SCAI: variants seen among roughly 807,000 people sequenced by gnomAD.
SCAI encodes the protein suppressor of cancer cell invasion.
A neutral mutation model predicts 92.2 loss-of-function variants in SCAI; 24 were observed. The observed-to-expected ratio is 0.26, with a 90% CI of 0.19 to 0.37. SCAI has a LOEUF of 0.37. Among genes scored for constraint, SCAI ranks in the 10% least tolerant of loss-of-function variants. The probability of loss-of-function intolerance (pLI) is 1.00; values close to 1 mark genes in which losing one functional copy is unlikely to be tolerated. For missense variants in SCAI, 450 were observed against 736.2 expected (o/e 0.61, Z 4.50); for synonymous variants, 261 against 258.6 (o/e 1.01, Z -0.09).
intron 2 of SCAI, among the ~76,000 whole-genome samples, chr9:125,089,877 T>A (rs556456933): frequency 6.6e-6 from 1 of 152,192 alleles, no homozygotes; most frequent in African/African-American, 2.4e-5. Context: ...AAGATACCTG[T>A]TTTCTTATTA....
At chr9:125,125,741 G>T (rs1236336974) in intron 2 of SCAI, among the ~76,000 whole-genome samples, 1 of 146,956 alleles carries the variant, frequency 6.8e-6, no homozygotes, top group Non-Finnish European at 1.5e-5. Flanking sequence ...TCAGGCAGGA[G>T]AATCACTTGA....
intron 2 of SCAI, among the ~76,000 whole-genome samples, chr9:125,098,224 T>A (rs1834605720): frequency 6.6e-6 from 1 of 151,986 alleles, no homozygotes; most frequent in Non-Finnish European, 1.5e-5. Context: ...CTGGATAATT[T>A]TTTTTTATTT....
chr9:125,092,445 T>C (rs1163481704), intron 2 of SCAI, among the ~76,000 whole-genome samples: 1 of 152,126 alleles, frequency 6.6e-6, no homozygotes, highest in Non-Finnish European at 1.5e-5. Flanking sequence ...AGAGCAAGAC[T>C]CTGTCAAACA....
chr9:124,974,910 C>T (rs1456103844), intron 15 of SCAI, among the ~76,000 whole-genome samples: 1 of 152,278 alleles, frequency 6.6e-6, no homozygotes, highest in East Asian at 1.9e-4. Flanking sequence ...GTGGCTGAGT[C>T]GGGATTCAAA....
chr9:124,961,649 C>CA (rs34369784), intron 17 of SCAI, among the ~76,000 whole-genome samples: 67,599 of 119,616 alleles, frequency 0.57, 17,866 homozygotes, highest in Admixed American at 0.63. Context: ...GACTCCATCT[C>CA]AAAAAAAAAA....
chr9:125,062,567 A>G (rs1241523678), intron 2 of SCAI, among the ~76,000 whole-genome samples: 1 of 151,488 alleles, frequency 6.6e-6, no homozygotes, highest in Non-Finnish European at 1.5e-5. Flanking sequence ...CCTGACCAAC[A>G]TGGTGAATGA....
chr9:124,991,717 G>C (rs1832127776), intron 14 of SCAI, among the ~76,000 whole-genome samples: 1 of 150,532 alleles, frequency 6.6e-6, no homozygotes, highest in East Asian at 2.0e-4. Context: ...TGTGCCTCTA[G>C]TCCCAGCTAC....
rs1161361524 is a variant in SCAI, at chr9:124,946,875, T to C, written c.*5932A>G. ...GAAGCATTTTCTCAGATGAGCCTACTCACCTTTGATATGCAAGTCCAGTAA... is the reference window on the plus strand; with the variant it reads ...GAAGCATTTTCTCAGATGAGCCTACCCACCTTTGATATGCAAGTCCAGTAA... On this transcript the variant is annotated 3_prime_UTR_variant, in exon 18 of 18. Coordinates refer to ENST00000336505, the MANE Select transcript of SCAI (RefSeq NM_001144877.3). This position sits in a 1 kb window ranked among gnomAD's most constrained non-coding sequence, Gnocchi z 4.0. 3 of 152,196 alleles carry C rather than the reference T, an allele frequency of 2.0e-5. No homozygotes were observed. Among genetic ancestry groups the C allele is most frequent in the Non-Finnish European group, 4.4e-5 (3 of 68,036 alleles). 9.4% of individuals were successfully genotyped at this position (152,196 alleles called of 1,614,324 possible). A position where few individuals can be genotyped will look rare whatever the true frequency, so the allele number is the denominator to read the frequency against.
At chr9:125,081,590 G>T (rs1834220016) in intron 2 of SCAI, among the ~76,000 whole-genome samples, 1 of 152,080 alleles carries the variant, frequency 6.6e-6, no homozygotes, top group Admixed American at 6.6e-5. Context: ...TGTTTTGTTT[G>T]GAGATGTAGT....
intron 15 of SCAI, among the ~76,000 whole-genome samples, chr9:124,972,949 G>A (rs969165522): frequency 6.6e-6 from 1 of 152,182 alleles, no homozygotes; most frequent in Admixed American, 6.5e-5. Flanking sequence ...CTACTCTCCT[G>A]TTTAAATCTT....
chr9:125,086,940 G>A (rs935066271), intron 2 of SCAI, among the ~76,000 whole-genome samples: 2 of 152,118 alleles, frequency 1.3e-5, no homozygotes, highest in African/African-American at 4.8e-5. Context: ...AGAGAGTCTG[G>A]CATACATTAA....
intron 14 of SCAI, among the ~76,000 whole-genome samples, chr9:124,987,462 A>G (rs1832019743): frequency 6.6e-6 from 1 of 152,194 alleles, no homozygotes; most frequent in Non-Finnish European, 1.5e-5. Context: ...AAATATTGGT[A>G]TTTCAATCAC....
intron 7 of SCAI, 42 bp from the exon 8 acceptor site, chr9:125,019,247 A>G (rs368440246): frequency 4.6e-4 from 523 of 1,138,540 alleles, no homozygotes; most frequent in Middle Eastern, 6.8e-4. Context: ...TAAAAAACCC[A>G]TAAAAACACA....
At chr9:124,985,375 T>TACCCAGA (rs1415192467) in intron 14 of SCAI, among the ~76,000 whole-genome samples, 1 of 152,188 alleles carries the variant, frequency 6.6e-6, no homozygotes, top group African/African-American at 2.4e-5. Flanking sequence ...GATCCCAAAC[T>TACCCAGA]GGTAGTGCCT....
At chr9:125,017,670 T>C (rs1832788365) in intron 9 of SCAI, among the ~76,000 whole-genome samples, 1 of 152,164 alleles carries the variant, frequency 6.6e-6, no homozygotes, top group Non-Finnish European at 1.5e-5. Context: ...GGTGCTACTC[T>C]GTCATGAAAA....
Position 124,947,652 on chromosome 9 carries a change from A to G in SCAI, c.*5155T>C, listed in dbSNP as rs1047574329. ...TATTTACAAATATGTATACATATAT[A>G]CAAAAAGTATACACAGAGATTGCAT... On this transcript the variant is annotated 3_prime_UTR_variant, in exon 18 of 18. Coordinates refer to ENST00000336505, the MANE Select transcript of SCAI (RefSeq NM_001144877.3). 3 of 152,244 alleles carry G rather than the reference A, an allele frequency of 2.0e-5. No individual in the cohort carries two copies. The highest frequency in any genetic ancestry group is 4.8e-5 in the African/African-American group (2 of 41,464). The allele number at this position is 152,244 out of a possible 1,614,324, so 9.4% of individuals were successfully genotyped here.
chr9:125,074,101 T>C (rs939440157), intron 2 of SCAI, among the ~76,000 whole-genome samples: 12 of 151,362 alleles, frequency 7.9e-5, no homozygotes, highest in Non-Finnish European at 1.2e-4. Context: ...CTACTAAAAA[T>C]ACAAAAAATT....
intron 2 of SCAI, among the ~76,000 whole-genome samples, chr9:125,111,033 A>G (rs1834919113): frequency 6.6e-6 from 1 of 152,222 alleles, no homozygotes; most frequent in Admixed American, 6.5e-5. Flanking sequence ...ATAACCTTGG[A>G]TAACCATTTA....
intron 3 of SCAI, among the ~76,000 whole-genome samples, chr9:125,045,773 CTTTG>C (rs1416337795): frequency 6.6e-6 from 1 of 151,946 alleles, no homozygotes; most frequent in Non-Finnish European, 1.5e-5. Context: ...ACTGGCAAAG[CTTTG>C]TTTTTCTCAT....
Sources: allele counts gnomAD v4.1 joint callset (sites outside exome capture counted in the v4.1 genomes callset), GRCh38; gene constraint gnomAD v4.1.1; non-coding constraint Gnocchi (gnomAD v3.1); transcripts MANE v1.5; gene names NCBI Gene and HGNC (gene_info 2026-07-23, HGNC 2026-07-21).